NRG3: variants seen among roughly 807,000 people sequenced by gnomAD.
The protein encoded by NRG3 is neuregulin 3, also known as pro-neuregulin-3, membrane-bound isoform.
NRG3 carries 31 observed loss-of-function variants against 66.9 expected under a neutral mutation model. The ratio of observed to expected loss-of-function variants is 0.46; its 90% confidence interval spans 0.35 to 0.63. NRG3 has a LOEUF of 0.63. Among genes scored for constraint, NRG3 ranks in the 20% least tolerant of loss-of-function variants. The pLI, the probability that NRG3 is intolerant of heterozygous loss-of-function variation, is 0.00. For synonymous variants in NRG3, 393 were observed against 359.4 expected, an observed-to-expected ratio of 1.09 and a Z score of -1.06; for missense variants, 910 against 878.9, an observed-to-expected ratio of 1.04 and a Z score of -0.45.
chr10:81,947,807 G>T (rs1250312974), intron 1 of NRG3, among the ~76,000 whole-genome samples: 1 of 151,894 alleles, frequency 6.6e-6, no homozygotes, highest in Non-Finnish European at 1.5e-5. Flanking sequence ...CTTCATTATC[G>T]CAGGGATGGC....
chr10:82,121,707 A>C (rs2068102438), intron 1 of NRG3, among the ~76,000 whole-genome samples: 1 of 151,976 alleles, frequency 6.6e-6, no homozygotes, highest in Non-Finnish European at 1.5e-5. Flanking sequence ...GCAGTGATGA[A>C]ATCATAGCTC....
At chr10:82,265,378 A>C (rs1204463909) in intron 1 of NRG3, among the ~76,000 whole-genome samples, 2 of 152,216 alleles carry the variant, frequency 1.3e-5, no homozygotes, top group Non-Finnish European at 2.9e-5. Flanking sequence ...AAATCAGCTA[A>C]GAAAGAAAAT....
chr10:81,877,589 T>G, intron 1 of NRG3: 1 of 721,514 alleles, frequency 1.4e-6, no homozygotes, highest in Non-Finnish European at 1.7e-6. Context: ...TTAAAGAATG[T>G]AGTGTATTTG....
chr10:82,464,130 C>T (rs1444047594), intron 2 of NRG3, among the ~76,000 whole-genome samples: 4 of 152,104 alleles, frequency 2.6e-5, no homozygotes, highest in African/African-American at 9.7e-5. Flanking sequence ...AATTGAGGCT[C>T]AGTTGGTGCC....
intron 4 of NRG3, among the ~76,000 whole-genome samples, chr10:82,928,360 A>G (rs1190405043): frequency 6.6e-6 from 1 of 152,076 alleles, no homozygotes; most frequent in Non-Finnish European, 1.5e-5. Flanking sequence ...CCATTTGTCA[A>G]TTTTGGCTTT....
chr10:81,974,467 G>A (rs981668846), intron 1 of NRG3, among the ~76,000 whole-genome samples: 1 of 152,060 alleles, frequency 6.6e-6, no homozygotes, highest in Non-Finnish European at 1.5e-5. Flanking sequence ...TAGACAAAAA[G>A]CAGAGCAACA....
intron 1 of NRG3, among the ~76,000 whole-genome samples, chr10:82,105,663 A>G (rs1175168712): frequency 1.3e-5 from 2 of 152,212 alleles, no homozygotes; most frequent in Non-Finnish European, 2.9e-5. Flanking sequence ...TAATGAATAC[A>G]TACACTATCT....
chr10:82,370,760 T>TA (rs769325813), intron 2 of NRG3, among the ~76,000 whole-genome samples: 40 of 152,178 alleles, frequency 2.6e-4, no homozygotes, highest in Non-Finnish European at 4.9e-4. Context: ...TTGAGAAAAC[T>TA]AAAAAATTGA....
intron 5 of NRG3, among the ~76,000 whole-genome samples, chr10:82,958,069 A>G (rs542127183): frequency 6.6e-6 from 1 of 152,220 alleles, no homozygotes; most frequent in Non-Finnish European, 1.5e-5. Context: ...CCGCATGTGC[A>G]CACAGGAGCA....
intron 4 of NRG3, among the ~76,000 whole-genome samples, chr10:82,866,906 G>C (rs1173689376): frequency 1.3e-5 from 2 of 152,098 alleles, no homozygotes; most frequent in Non-Finnish European, 2.9e-5. Context: ...GGACTTGAGA[G>C]GACATAGTTT....
rs370068158 is a variant in NRG3, at chr10:82,862,560, T to C, written c.1028-2851T>C. Among the ~76,000 whole-genome samples the C allele has an allele frequency of 2.2e-4, 33 of 152,296 alleles. 1 individual carries two copies. The highest frequency in any genetic ancestry group is 1.4e-3 in the East Asian group (7 of 5,176). On this transcript the variant is annotated intron_variant, in intron 3 of 8. Coordinates refer to ENST00000372141, the MANE Select transcript of NRG3 (RefSeq NM_001010848.4). ...CACCAGTATTTTATGAATATGTCTGTACAGTTTCCGTAAAGGAAATTCCCT... is the reference window on the plus strand; with the variant it reads ...CACCAGTATTTTATGAATATGTCTGCACAGTTTCCGTAAAGGAAATTCCCT...
At chr10:81,893,181 AAT>A in intron 1 of NRG3, among the ~76,000 whole-genome samples, 1 of 152,140 alleles carries the variant, frequency 6.6e-6, no homozygotes, top group East Asian at 1.9e-4. Flanking sequence ...CTTTCTGTTC[AAT>A]ATTAGTCCAG....
intron 2 of NRG3, among the ~76,000 whole-genome samples, chr10:82,441,787 G>A (rs776238687): frequency 7.2e-5 from 11 of 152,298 alleles, no homozygotes; most frequent in Non-Finnish European, 1.6e-4. Context: ...CACATCATCA[G>A]AATCACACAC....
At chr10:82,880,943 T>G (rs150160088) in intron 4 of NRG3, among the ~76,000 whole-genome samples, 1 of 152,274 alleles carries the variant, frequency 6.6e-6, no homozygotes, top group East Asian at 1.9e-4. Context: ...ACACTCCAGT[T>G]CCCAGGAAGG....
At chr10:81,931,222 C>A (rs2132989733) in intron 1 of NRG3, among the ~76,000 whole-genome samples, 1 of 152,326 alleles carries the variant, frequency 6.6e-6, no homozygotes, top group East Asian at 1.9e-4. Context: ...CATGTTAGGT[C>A]TTTCTGTTGA....
chr10:82,975,738 C>T (rs1033607751), intron 7 of NRG3, among the ~76,000 whole-genome samples: 3 of 152,324 alleles, frequency 2.0e-5, no homozygotes, highest in African/African-American at 7.2e-5. Context: ...ACCATAACTT[C>T]CTGAATGCCA....
chr10:82,043,208 T>C (rs1825837740), intron 1 of NRG3, among the ~76,000 whole-genome samples: 1 of 151,964 alleles, frequency 6.6e-6, no homozygotes, highest in South Asian at 2.1e-4. Flanking sequence ...TTAATTCAAG[T>C]GTTGTGTGAT....
At chr10:82,757,676 A>G (rs759721620) in intron 3 of NRG3, among the ~76,000 whole-genome samples, 6 of 152,218 alleles carry the variant, frequency 3.9e-5, no homozygotes, top group Non-Finnish European at 7.4e-5. Flanking sequence ...GAGTGAAAGG[A>G]GATGATGCTC....
intron 2 of NRG3, among the ~76,000 whole-genome samples, chr10:82,556,793 A>G (rs938444183): frequency 6.6e-6 from 1 of 151,818 alleles, no homozygotes; most frequent in African/African-American, 2.4e-5. Context: ...CCCTCCTCCA[A>G]GCCTCCACCC....
Sources: gnomAD v4.1 joint callset for allele counts (sites outside exome capture counted in the v4.1 genomes callset) on GRCh38, gnomAD v4.1.1 for gene constraint, MANE v1.5 for transcripts, NCBI Gene and HGNC (gene_info 2026-07-23, HGNC 2026-07-21) for gene names.